Variants in PMS2 observed in about 807,000 individuals in gnomAD.
The protein encoded by PMS2 is mismatch repair endonuclease PMS2.
PMS2 carries 69 observed loss-of-function variants against 90.0 expected under a neutral mutation model. That is an observed-to-expected ratio of 0.77 (90% CI 0.63 to 0.94). The LOEUF is 0.94. Ranked by LOEUF, PMS2 falls within the 40% of genes least tolerant of loss-of-function variation. The pLI, the probability that PMS2 is intolerant of heterozygous loss-of-function variation, is 0.00. For missense variants in PMS2, 966 were observed against 1,040.2 expected (o/e 0.93, Z 0.98); for synonymous variants, 332 against 375.1 (o/e 0.89, Z 1.33).
chr7:6,007,469 C>T (rs1785934871), intron 1 of PMS2, among the ~76,000 whole-genome samples: 1 of 152,172 alleles, frequency 6.6e-6, no homozygotes, highest in Non-Finnish European at 1.5e-5. Flanking sequence ...CTTTGAGACA[C>T]TACAGTGTAT....
At position 6,006,034 on chromosome 7, in the gene PMS2, A is replaced by G. The variant is rs749485884; in HGVS notation, c.24-3T>C. 9 of 1,610,628 alleles carry G rather than the reference A, an allele frequency of 5.6e-6. No homozygotes were observed. In the East Asian group the frequency reaches 2.0e-4, roughly 36 times the overall value. On this transcript the variant is annotated splice_region_variant and splice_polypyrimidine_tract_variant and intron_variant, in intron 1 of 14. Coordinates refer to ENST00000265849, the MANE Select transcript of PMS2 (RefSeq NM_000535.7). ...TGATGGCCTTAGCAGGTTCTGTACT[A>G]GAGAAATCAGTTACAAGAAACAAAT...
rs1255800851 is a variant in PMS2 at position 6,002,215 on chromosome 7, CAT to C, written c.537+236_537+237del. 19 of 414,562 alleles carry C rather than the reference CAT, an allele frequency of 4.6e-5. No homozygotes were observed. In the East Asian group the frequency reaches 8.8e-4, roughly 19 times the overall value. 25.7% of individuals were successfully genotyped at this position (414,562 alleles called of 1,614,324 possible). A position where few individuals can be genotyped will look rare whatever the true frequency, so the allele number is the denominator to read the frequency against. On this transcript the variant is annotated intron_variant, in intron 5 of 14. Transcript: ENST00000265849. ...CAGTAAATTTTTTTTTAAAATTTTTCATAGAGACAGGGTCTCACTGTGTTGCC... is the reference window on the plus strand; with the variant it reads ...CAGTAAATTTTTTTTTAAAATTTTTCAGAGACAGGGTCTCACTGTGTTGCC...
At chr7:5,981,363 G>C (rs1374284806) in intron 12 of PMS2, among the ~76,000 whole-genome samples, 2 of 149,806 alleles carry the variant, frequency 1.3e-5, no homozygotes, top group Non-Finnish European at 3.0e-5. Flanking sequence ...TCCCACCTCA[G>C]CCTCCCGAAT....
Position 5,992,002 on chromosome 7 carries a change from A to C in PMS2, c.959T>G (p.Phe320Cys), listed in dbSNP as rs1060503121. 1 of 1,599,320 alleles carries C rather than the reference A, an allele frequency of 6.3e-7. No individual in the cohort carries two copies. The highest frequency in any genetic ancestry group is 8.6e-7 in the Non-Finnish European group (1 of 1,166,510). The change falls in exon 9 of 15, where the codon TTT (phenylalanine) becomes TGT (cysteine). Residue 320 changes from phenylalanine (F) to cysteine (C), a missense_variant. By Grantham distance (205) the Phe-to-Cys change is radical (BLOSUM62 -2). Transcript: ENST00000265849. ...YHMYNRHQYP[F>C]VVLNISVDSE... is the part of the protein sequence containing the mutation. ...ATCAACAGAAATGTTAAGAACAACA[A>C]ATGGATACTGGTGTCGATTATACAT...
chr7:6,008,350 G>C (rs936600568), intron 1 of PMS2, among the ~76,000 whole-genome samples: 15 of 152,304 alleles, frequency 9.8e-5, no homozygotes, highest in African/African-American at 3.6e-4. Flanking sequence ...TTACCAGCCA[G>C]AAATCACACA....
chr7:5,996,416 A>G (rs1175908479), intron 7 of PMS2, among the ~76,000 whole-genome samples: 1 of 151,610 alleles, frequency 6.6e-6, no homozygotes, highest in Non-Finnish European at 1.5e-5. Flanking sequence ...TCAGCCGGGC[A>G]TGGTGGTGAA....
At chr7:5,986,263 C>T (rs143580677) in intron 11 of PMS2, among the ~76,000 whole-genome samples, 17,723 of 151,228 alleles carry the variant, frequency 0.12, 1,201 homozygotes, top group South Asian at 0.22. Flanking sequence ...ATTGTAGAGA[C>T]GAGGTCTCCC....
intron 1 of PMS2, among the ~76,000 whole-genome samples, chr7:6,006,320 C>T (rs1785761783): frequency 6.6e-6 from 1 of 152,132 alleles, no homozygotes; most frequent in South Asian, 2.1e-4. Context: ...TCTCAAATTA[C>T]CAAAATCTTT....
intron 10 of PMS2, among the ~76,000 whole-genome samples, chr7:5,989,515 G>A (rs924481862): frequency 2.0e-5 from 3 of 151,752 alleles, no homozygotes; most frequent in Non-Finnish European, 4.4e-5. Context: ...GACTTCATCC[G>A]TTTACAGTTT....
intron 5 of PMS2, among the ~76,000 whole-genome samples, chr7:6,000,466 A>G (rs1784973758): frequency 6.6e-6 from 1 of 151,698 alleles, no homozygotes; most frequent in Non-Finnish European, 1.5e-5. Context: ...ACTTGCTTTC[A>G]TTATATTAAC....
At chr7:6,003,257 GCACTCCAGCCTGGGT>G (rs1785306285) in intron 4 of PMS2, 2 of 149,630 alleles carry the variant, frequency 1.3e-5, no homozygotes, top group Non-Finnish European at 2.9e-5. Context: ...CTGTGCCACT[GCACTCCAGCCTGGGT>G]GACAAAGAGA....
intron 5 of PMS2, among the ~76,000 whole-genome samples, chr7:6,001,293 T>C (rs548774832): frequency 2.0e-5 from 3 of 152,168 alleles, no homozygotes; most frequent in East Asian, 3.9e-4. Flanking sequence ...AACGACTATA[T>C]AACATTTAGC....
chr7:6,000,953 T>C (rs928871049), intron 5 of PMS2, among the ~76,000 whole-genome samples: 2 of 152,126 alleles, frequency 1.3e-5, no homozygotes, highest in African/African-American at 4.8e-5. Context: ...ATCGCACCAC[T>C]GCACTCCAGC....
intron 12 of PMS2, among the ~76,000 whole-genome samples, chr7:5,981,233 T>C (rs1782254372): frequency 6.6e-6 from 1 of 150,540 alleles, no homozygotes; most frequent in Non-Finnish European, 1.5e-5. Flanking sequence ...AATTTTATTT[T>C]ATTTTATTTA....
At position 6,002,602 on chromosome 7, in the gene PMS2, T is replaced by C; in HGVS notation, c.388A>G (p.Lys130Glu). The part of the protein sequence containing the change: ...VTISTCHASA[K>E]VGTRLMFDHN... ...TCAAACATCAGTCGAGTTCCAACCT[T>C]CGCCGATGCGTGGCAGGTAGAAATG... Residue 130 changes from lysine to glutamate, a missense_variant, in exon 5 of 15, where the codon AAG becomes GAG. Coordinates refer to ENST00000265849, the MANE Select transcript of PMS2 (RefSeq NM_000535.7). 6.2e-7 allele frequency: 1 copy of C among 1,611,972 alleles called. No homozygotes were observed. The highest frequency in any genetic ancestry group is 8.5e-7 in the Non-Finnish European group (1 of 1,179,806).
At chr7:6,009,067 G>C (rs886062402), upstream of PMS2, 2 of 1,601,050 alleles carry the variant, frequency 1.2e-6, no homozygotes, top group African/African-American at 1.3e-5. Flanking sequence ...TTCCCTCCAG[G>C]GCTCCCACAG....
chr7:6,002,385 T>C, intron 5 of PMS2, 68 bp downstream of exon 5: 1 of 980,740 alleles, frequency 1.0e-6, no homozygotes, highest in Non-Finnish European at 1.6e-6. Context: ...AGAATAAACA[T>C]CTTTAGTAAA....
intron 11 of PMS2, among the ~76,000 whole-genome samples, chr7:5,984,988 T>G (rs973943415): frequency 9.2e-5 from 14 of 151,816 alleles, no homozygotes; most frequent in African/African-American, 3.4e-4. Context: ...ATCCAAGTCA[T>G]AACCAAACCA....
In PMS2 at chr7:6,004,166, C is replaced by A. The variant is rs12538294; in HGVS notation, c.164-108G>T. 4.3e-6 allele frequency: 3 copies of A among 698,238 alleles called. No individual in the cohort carries two copies. The highest frequency in any genetic ancestry group is 3.3e-5 in the South Asian group (2 of 60,136). The allele number at this position is 698,238 out of a possible 1,614,324, so 43.3% of individuals were successfully genotyped here. On this transcript the variant is annotated intron_variant, in intron 2 of 14. Transcript: ENST00000265849. Reference sequence around the variant, plus strand: ...GCAAATTTAAGAGTCATAACTATACCTTTAGTTAAACATACTAGTGTCATT... The same window carrying A: ...GCAAATTTAAGAGTCATAACTATACATTTAGTTAAACATACTAGTGTCATT...
Sources: gnomAD v4.1 joint callset for allele counts (sites outside exome capture counted in the v4.1 genomes callset) on GRCh38, gnomAD v4.1.1 for gene constraint, MANE v1.5 for transcripts, NCBI Gene and HGNC (gene_info 2026-07-23, HGNC 2026-07-21) for gene names.